DOCK3: variants seen among roughly 807,000 people sequenced by gnomAD.
The protein encoded by DOCK3 is dedicator of cytokinesis protein 3.
DOCK3 carries 60 observed loss-of-function variants against 265.6 expected under a neutral mutation model. That is an observed-to-expected ratio of 0.23 (90% CI 0.18 to 0.28). DOCK3 has a LOEUF of 0.28. DOCK3 is among the 10% of genes least tolerant of loss of function. DOCK3 has a pLI of 1.00. For synonymous variants in DOCK3, 881 were observed against 938.0 expected (o/e 0.94, Z 1.11); for missense variants, 1,981 against 2,594.3 (o/e 0.76, Z 5.14).
intron 27 of DOCK3, among the ~76,000 whole-genome samples, chr3:51,300,134 T>C (rs558320066): frequency 7.2e-5 from 11 of 152,304 alleles, no homozygotes; most frequent in African/African-American, 2.6e-4. Context: ...TTACTTCCCT[T>C]GTTAGCTGTA....
At chr3:51,319,586 G>C (rs2083564004) in intron 32 of DOCK3, among the ~76,000 whole-genome samples, 1 of 152,098 alleles carries the variant, frequency 6.6e-6, no homozygotes, top group Non-Finnish European at 1.5e-5. Context: ...GCAATAGTGG[G>C]CCAGGTGTGG....
At position 50,891,090 on chromosome 3, in the gene DOCK3, C is replaced by A. The variant is rs561874422; in HGVS notation, c.218+1009C>A. On this transcript the variant is annotated intron_variant, in intron 4 of 52. Transcript: ENST00000266037. ...GGTAATGAGGCTGTTTTGGGGAATG[C>A]CAAAAGCAACTGGAGGCTGGAACCT... 1.4e-4 allele frequency among the ~76,000 whole-genome samples: 22 copies of A among 151,990 alleles called. No homozygotes were observed. The South Asian group carries it at 3.5e-3, about 24-fold the overall frequency.
At position 51,018,665 on chromosome 3, in the gene DOCK3, T is replaced by C. The variant is rs141146021; in HGVS notation, c.316-45783T>C. On this transcript the variant is annotated intron_variant, in intron 5 of 52. Coordinates refer to ENST00000266037, the MANE Select transcript of DOCK3 (RefSeq NM_004947.5). Reference sequence around the variant, plus strand: ...TTTCATGTATACTTTATACATGTAGTCAGAAGGTAATTTTATATGCTGTTT... The same window carrying C: ...TTTCATGTATACTTTATACATGTAGCCAGAAGGTAATTTTATATGCTGTTT... 7.8e-3 allele frequency among the ~76,000 whole-genome samples: 1,185 copies of C among 151,900 alleles called. 50 individuals are homozygous for C. The highest frequency in any genetic ancestry group is 0.028 in the African/African-American group (1,140 of 41,226).
At chr3:50,883,025 C>G (rs1266600379) in intron 3 of DOCK3, among the ~76,000 whole-genome samples, 1 of 152,046 alleles carries the variant, frequency 6.6e-6, no homozygotes, top group Admixed American at 6.6e-5. Flanking sequence ...GGACAGAAAA[C>G]CAAACACTGC....
At chr3:50,811,457 GAAAGAAA>G (rs1238586321) in intron 2 of DOCK3, among the ~76,000 whole-genome samples, 40 of 152,048 alleles carry the variant, frequency 2.6e-4, no homozygotes, top group African/African-American at 8.2e-4. Context: ...AAAAAGAAAA[GAAAGAAA>G]AAGAGTCATT....
rs1028545500 is a variant in DOCK3, at chr3:50,675,435, G to A, written c.37+135G>A. The A allele has an allele frequency of 8.9e-6, 7 of 782,626 alleles. No homozygotes were observed. The highest frequency in any genetic ancestry group is 1.9e-5 in the African/African-American group (1 of 53,028). The allele number at this position is 782,626 out of a possible 1,614,324, so 48.5% of individuals were successfully genotyped here. On this transcript the variant is annotated intron_variant, in intron 1 of 52. Transcript: ENST00000266037. The surrounding 1 kb of genome is among the most constrained non-coding windows in gnomAD (Gnocchi z 6.1). Reference sequence around the variant, plus strand: ...CGGCCTCGGCGCGGGGCGAGCGCGGGGTGGGGGCAGGTGCGGGTGCGGGTG... The same window carrying A: ...CGGCCTCGGCGCGGGGCGAGCGCGGAGTGGGGGCAGGTGCGGGTGCGGGTG...
chr3:51,232,940 G>A (rs1459940479), intron 19 of DOCK3, among the ~76,000 whole-genome samples: 1 of 152,126 alleles, frequency 6.6e-6, no homozygotes, highest in Non-Finnish European at 1.5e-5. Context: ...CTGTAGGTAG[G>A]CCATTTTATT....
chr3:51,293,370 A>G (rs1404099988), intron 27 of DOCK3, among the ~76,000 whole-genome samples: 1 of 152,176 alleles, frequency 6.6e-6, no homozygotes, highest in Non-Finnish European at 1.5e-5. Flanking sequence ...AGAACACACA[A>G]TGAAAAAAGG....
intron 1 of DOCK3, among the ~76,000 whole-genome samples, chr3:50,690,603 ACATT>A (rs1192009360): frequency 4.3e-4 from 66 of 152,168 alleles, no homozygotes; most frequent in South Asian, 1.2e-3. Context: ...CTACTGTTCT[ACATT>A]CATTCATTCG....
At chr3:51,341,823 C>T (rs2085262377) in intron 38 of DOCK3, among the ~76,000 whole-genome samples, 3 of 152,220 alleles carry the variant, frequency 2.0e-5, no homozygotes, top group South Asian at 4.1e-4. Context: ...GGTATGTGTT[C>T]TTTTCTTAGA....
chr3:50,915,201 G>A (rs1559807782), intron 4 of DOCK3, among the ~76,000 whole-genome samples: 1 of 152,038 alleles, frequency 6.6e-6, no homozygotes, highest in African/African-American at 2.4e-5. Context: ...GCAGGATACA[G>A]CTGCAGTTTG....
chr3:51,317,621 A>G (rs999762818), intron 32 of DOCK3, among the ~76,000 whole-genome samples: 2 of 145,436 alleles, frequency 1.4e-5, no homozygotes, highest in East Asian at 2.0e-4. Context: ...TAATAATAAT[A>G]ATGTATATTT....
At chr3:51,130,577 C>T (rs2084483856) in intron 9 of DOCK3, among the ~76,000 whole-genome samples, 1 of 152,218 alleles carries the variant, frequency 6.6e-6, no homozygotes, top group Non-Finnish European at 1.5e-5. Flanking sequence ...CATCTGTCTT[C>T]TACACAGGCT....
At chr3:51,183,922 ACTTTGTCAG>A (rs2087444930) in intron 12 of DOCK3, among the ~76,000 whole-genome samples, 1 of 152,068 alleles carries the variant, frequency 6.6e-6, no homozygotes, top group African/African-American at 2.4e-5. Context: ...ATATTTCCTC[ACTTTGTCAG>A]CTGAGAGGGC....
chr3:50,933,954 G>A, intron 4 of DOCK3, 27 bp from the exon 5 acceptor site: 1 of 1,485,700 alleles, frequency 6.7e-7, no homozygotes, highest in Non-Finnish European at 9.2e-7. Flanking sequence ...GAGATAATGT[G>A]GCTGTCTTTT....
intron 9 of DOCK3, among the ~76,000 whole-genome samples, chr3:51,096,983 C>T (rs1449942328): frequency 6.6e-6 from 1 of 152,196 alleles, no homozygotes; most frequent in African/African-American, 2.4e-5. Context: ...CTGGAAGCTT[C>T]GTCCCAGAGG....
intron 2 of DOCK3, among the ~76,000 whole-genome samples, chr3:50,827,790 G>C (rs1180116896): frequency 1.3e-5 from 2 of 151,868 alleles, no homozygotes; most frequent in Admixed American, 1.3e-4. Context: ...CTTGGTCCTT[G>C]TTTTCTTTTT....
At chr3:51,106,428 A>G (rs2083282859) in intron 9 of DOCK3, among the ~76,000 whole-genome samples, 1 of 152,048 alleles carries the variant, frequency 6.6e-6, no homozygotes, top group Admixed American at 6.5e-5. Context: ...GCCTGCACAC[A>G]CGTCACCATG....
intron 5 of DOCK3, among the ~76,000 whole-genome samples, chr3:51,059,791 G>A (rs1298816401): frequency 6.6e-6 from 1 of 152,016 alleles, no homozygotes. Context: ...GTGAAGAATA[G>A]GTAGGTAACA....
Sources: gnomAD v4.1 joint callset for allele counts (sites outside exome capture counted in the v4.1 genomes callset) on GRCh38, gnomAD v4.1.1 for gene constraint, Gnocchi (gnomAD v3.1) non-coding constraint, MANE v1.5 for transcripts, NCBI Gene and HGNC (gene_info 2026-07-23, HGNC 2026-07-21) for gene names.